The following TSHZ2 variants were observed in gnomAD, a reference collection of about 807,000 sequenced individuals.
The protein encoded by TSHZ2 is teashirt homolog 2.
Under a neutral mutation model 74.4 loss-of-function variants are expected in TSHZ2, and 21 were observed. That is an observed-to-expected ratio of 0.28 (90% confidence interval 0.20 to 0.41). The LOEUF (loss-of-function observed/expected upper bound fraction) is 0.41. Ranked by LOEUF, TSHZ2 falls within the 10% of genes least tolerant of loss-of-function variation. The probability of loss-of-function intolerance (pLI) is 1.00; values close to 1 mark genes in which losing one functional copy is unlikely to be tolerated. For missense variants in TSHZ2, 1,244 were observed against 1,293.5 expected, an observed-to-expected ratio of 0.96 and a Z score of 0.59; for synonymous variants, 540 against 515.3, an observed-to-expected ratio of 1.05 and a Z score of -0.65.
intron 2 of TSHZ2, among the ~76,000 whole-genome samples, chr20:53,300,470 G>C (rs1225330979): frequency 1.3e-5 from 2 of 152,188 alleles, no homozygotes; most frequent in Non-Finnish European, 2.9e-5. Context: ...TCCCCTGGAA[G>C]AGATTTTCTT....
intron 2 of TSHZ2, among the ~76,000 whole-genome samples, chr20:53,261,775 C>T (rs1412256227): frequency 4.6e-5 from 7 of 152,050 alleles, no homozygotes; most frequent in Non-Finnish European, 7.4e-5. Flanking sequence ...TTTTTTCTTT[C>T]GCTAAATTGA....
At chr20:53,440,476 G>C (rs1296530555) in intron 2 of TSHZ2, among the ~76,000 whole-genome samples, 1 of 152,058 alleles carries the variant, frequency 6.6e-6, no homozygotes, top group East Asian at 1.9e-4. Flanking sequence ...TTCTTTGTTC[G>C]TATCTATGAT....
Position 53,491,561 on chromosome 20 carries a change from T to C in TSHZ2, c.*4426T>C, listed in dbSNP as rs1242881745. On this transcript the variant is annotated 3_prime_UTR_variant, in exon 3 of 3. Coordinates refer to ENST00000371497, the MANE Select transcript of TSHZ2 (RefSeq NM_173485.6). ...TCTCCTTTGGTTCCCAGTGACAGAT[T>C]CAGAGGCATACGCAGATATACAATT... The C allele has an allele frequency of 6.6e-6, 1 of 152,230 alleles. No homozygotes were observed. Among genetic ancestry groups the C allele is most frequent in the Non-Finnish European group, 1.5e-5 (1 of 68,032 alleles). 9.4% of individuals were successfully genotyped at this position (152,230 alleles called of 1,614,324 possible).
chr20:53,087,569 T>C (rs1985735933), intron 1 of TSHZ2, among the ~76,000 whole-genome samples: 2 of 152,224 alleles, frequency 1.3e-5, no homozygotes, highest in Admixed American at 1.3e-4. Flanking sequence ...TGCACAGCGT[T>C]ACTCATAATC....
intron 2 of TSHZ2, among the ~76,000 whole-genome samples, chr20:53,370,507 T>C (rs1981428378): frequency 6.6e-6 from 1 of 152,244 alleles, no homozygotes; most frequent in African/African-American, 2.4e-5. Flanking sequence ...ACACCTGTGA[T>C]CCCAGCACTT....
intron 1 of TSHZ2, among the ~76,000 whole-genome samples, chr20:53,101,396 C>T (rs947837540): frequency 6.6e-6 from 1 of 152,190 alleles, no homozygotes; most frequent in African/African-American, 2.4e-5. Flanking sequence ...TTCCTTATTG[C>T]GTTGCAAATC....
chr20:53,291,591 T>C (rs1323879212), intron 2 of TSHZ2, among the ~76,000 whole-genome samples: 1 of 152,000 alleles, frequency 6.6e-6, no homozygotes, highest in East Asian at 1.9e-4. Flanking sequence ...TGTTATTATA[T>C]AGTTCATGGG....
chr20:53,280,218 G>C (rs16997860), intron 2 of TSHZ2, among the ~76,000 whole-genome samples: 1 of 152,046 alleles, frequency 6.6e-6, no homozygotes, highest in Non-Finnish European at 1.5e-5. Flanking sequence ...GCATATGAAG[G>C]CCTCAACAAA....
chr20:53,244,567 T>C (rs1194926199), intron 1 of TSHZ2, among the ~76,000 whole-genome samples: 4 of 152,216 alleles, frequency 2.6e-5, no homozygotes, highest in African/African-American at 9.7e-5. Flanking sequence ...TCTGCTTTTT[T>C]AAATTGTCAC....
At chr20:53,203,186 C>G (rs1356062233) in intron 1 of TSHZ2, among the ~76,000 whole-genome samples, 1 of 146,774 alleles carries the variant, frequency 6.8e-6, no homozygotes, top group African/African-American at 2.6e-5. Flanking sequence ...TCTGAGCAGA[C>G]TCAAATTTTT....
chr20:53,361,220 C>A (rs1981039376), intron 2 of TSHZ2, among the ~76,000 whole-genome samples: 1 of 152,244 alleles, frequency 6.6e-6, no homozygotes, highest in South Asian at 2.1e-4. Context: ...ACTCCTCTAT[C>A]ATTTGCCCAG....
chr20:52,986,173 C>T (rs184734254), intron 1 of TSHZ2, among the ~76,000 whole-genome samples: 1 of 151,572 alleles, frequency 6.6e-6, no homozygotes, highest in African/African-American at 2.4e-5. Context: ...AGGCGGATCA[C>T]GAGGTTGGGA....
chr20:53,099,004 C>T (rs1328577332), intron 1 of TSHZ2, among the ~76,000 whole-genome samples: 1 of 152,136 alleles, frequency 6.6e-6, no homozygotes, highest in African/African-American at 2.4e-5. Flanking sequence ...GCCAATGAGT[C>T]TTTGCCTAGG....
In TSHZ2 at chr20:53,059,855, T is replaced by C. The variant is rs758769300; in HGVS notation, c.40+86522T>C. On this transcript the variant is annotated intron_variant, in intron 1 of 2. Coordinates refer to ENST00000371497, the MANE Select transcript of TSHZ2 (RefSeq NM_173485.6). ...ATTTAACACTAACACTTCATCCCTTTGGAATACCCAGTCGTTCAAAATTTT... is the reference window on the plus strand; with the variant it reads ...ATTTAACACTAACACTTCATCCCTTCGGAATACCCAGTCGTTCAAAATTTT... Among the ~76,000 whole-genome samples, 105 of 152,352 alleles carry C rather than the reference T, an allele frequency of 6.9e-4. 1 individual carries two copies. Among genetic ancestry groups the C allele is most frequent in the Non-Finnish European group, 1.3e-3 (86 of 68,030 alleles).
chr20:53,440,283 G>A (rs1568918165), intron 2 of TSHZ2, among the ~76,000 whole-genome samples: 1 of 152,182 alleles, frequency 6.6e-6, no homozygotes, highest in Non-Finnish European at 1.5e-5. Context: ...TGTAAAAGCA[G>A]CTGATAACTG....
intron 1 of TSHZ2, among the ~76,000 whole-genome samples, chr20:53,147,733 T>C (rs1329586891): frequency 6.6e-6 from 1 of 152,200 alleles, no homozygotes; most frequent in African/African-American, 2.4e-5. Flanking sequence ...TTGTTTTGTT[T>C]TGAGACAGAG....
chr20:53,322,386 G>A (rs761385032), intron 2 of TSHZ2, among the ~76,000 whole-genome samples: 3 of 152,154 alleles, frequency 2.0e-5, no homozygotes, highest in African/African-American at 2.4e-5. Flanking sequence ...GGTGGCAGGC[G>A]CCTGTAATCC....
intron 1 of TSHZ2, among the ~76,000 whole-genome samples, chr20:53,170,937 A>G (rs895334303): frequency 2.8e-5 from 4 of 144,300 alleles, no homozygotes; most frequent in African/African-American, 1.1e-4. Context: ...ATAAAAAATG[A>G]AAAGAAAAAA....
intron 2 of TSHZ2, among the ~76,000 whole-genome samples, chr20:53,458,042 C>T (rs901496958): frequency 0.022 from 3,370 of 151,812 alleles, 45 homozygotes; most frequent in African/African-American, 0.026. Context: ...AGTCTCTGCC[C>T]GGCTTTGGTA....
Sources: gnomAD v4.1 joint callset for allele counts (sites outside exome capture counted in the v4.1 genomes callset) on GRCh38, gnomAD v4.1.1 for gene constraint, MANE v1.5 for transcripts, NCBI Gene and HGNC (gene_info 2026-07-23, HGNC 2026-07-21) for gene names.